Variants in HDX observed in about 807,000 individuals in gnomAD.
HDX encodes the protein highly divergent homeobox, also known as chromosome X open reading frame 43.
HDX carries 19 observed loss-of-function variants against 45.2 expected under a neutral mutation model. That is an observed-to-expected ratio of 0.42 (90% CI 0.29 to 0.62). HDX has a LOEUF of 0.62. HDX is among the 20% of genes least tolerant of loss of function. The pLI is 0.20. For missense variants in HDX, 532 were observed against 493.9 expected (o/e 1.08, Z -0.73); for synonymous variants, 188 against 172.8 (o/e 1.09, Z -0.69).
intron 4 of HDX, among the ~76,000 whole-genome samples, chrX:84,458,690 C>T (rs763005026): frequency 9.0e-6 from 1 of 111,671 alleles, no homozygotes; most frequent in Admixed American, 9.5e-5. Flanking sequence ...TTTCCACCCA[C>T]ACATTATTAA....
At chrX:84,397,723 T>G (rs952466869) in intron 5 of HDX, among the ~76,000 whole-genome samples, 3 of 112,034 alleles carry the variant, frequency 2.7e-5, no homozygotes, top group African/African-American at 9.7e-5. Flanking sequence ...GCTTCTTATT[T>G]GTGGTGAAGG....
At chrX:84,331,893 G>C (rs2036849992) in intron 9 of HDX, among the ~76,000 whole-genome samples, 1 of 111,518 alleles carries the variant, frequency 9.0e-6, no homozygotes, top group Non-Finnish European at 1.9e-5. Flanking sequence ...GTTTGTGTAA[G>C]TACACTCTAT....
chrX:84,394,077 G>A lies in HDX; in HGVS notation c.1306-32465C>T, dbSNP rs1280135274. Among the ~76,000 whole-genome samples the A allele has an allele frequency of 1.1e-4, 12 of 110,146 alleles. No homozygotes were observed. The South Asian group carries it at 1.5e-3, about 14-fold the overall frequency. ...TTTTTTTCTTGCTTTTCCCTGAGAT[G>A]CATGATTGGATTATTTATTTGAAAT... On this transcript the variant is annotated intron_variant, in intron 5 of 10. Coordinates refer to ENST00000373177, the MANE Select transcript of HDX (RefSeq NM_001177479.2).
At chrX:84,367,891 C>T (rs1209550925) in intron 5 of HDX, among the ~76,000 whole-genome samples, 1 of 111,595 alleles carries the variant, frequency 9.0e-6, no homozygotes, top group Non-Finnish European at 1.9e-5. Flanking sequence ...AGGAAAAATA[C>T]CTAATGTAGA....
At chrX:84,327,746 T>A (rs758706180) in intron 9 of HDX, among the ~76,000 whole-genome samples, 19 of 111,782 alleles carry the variant, frequency 1.7e-4, no homozygotes, top group African/African-American at 5.8e-4. Context: ...AAAAGTTTCT[T>A]AAATAGAACA....
intron 5 of HDX, among the ~76,000 whole-genome samples, chrX:84,397,594 G>A (rs1325820756): frequency 9.0e-6 from 1 of 111,384 alleles, no homozygotes. Context: ...CCCAGCTGAG[G>A]AGGCTGCCTT....
intron 5 of HDX, among the ~76,000 whole-genome samples, chrX:84,424,167 T>A (rs2039332665): frequency 9.0e-6 from 1 of 111,335 alleles, no homozygotes; most frequent in Admixed American, 9.6e-5. Flanking sequence ...CATTTCTAAA[T>A]GCCGACAGTA....
At chrX:84,434,725 T>A (rs1474415133) in intron 5 of HDX, among the ~76,000 whole-genome samples, 2 of 111,709 alleles carry the variant, frequency 1.8e-5, no homozygotes, top group Non-Finnish European at 3.8e-5. Flanking sequence ...GATGTTTTGG[T>A]ATAGTTTGAG....
At chrX:84,443,262 C>A (rs971367826) in intron 4 of HDX, among the ~76,000 whole-genome samples, 1 of 110,990 alleles carries the variant, frequency 9.0e-6, no homozygotes, top group Non-Finnish European at 1.9e-5. Context: ...ATTTGGGAAG[C>A]TTTATTTGGT....
At chrX:84,409,437 G>A (rs1366767279) in intron 5 of HDX, among the ~76,000 whole-genome samples, 10 of 110,272 alleles carry the variant, frequency 9.1e-5, no homozygotes, top group East Asian at 5.8e-4. Flanking sequence ...TGTTAATTGC[G>A]GCACTATTCA....
chrX:84,367,883 G>A (rs1411922532), intron 5 of HDX, among the ~76,000 whole-genome samples: 1 of 111,684 alleles, frequency 9.0e-6, no homozygotes. Flanking sequence ...ATAGCATTAG[G>A]AAAAATACCT....
chrX:84,361,353 G>C (rs1354718342), intron 6 of HDX, 113 bp downstream of exon 6: 2 of 583,823 alleles, frequency 3.4e-6, no homozygotes. Context: ...TATCCTGTGG[G>C]TTATCTTTTC....
chrX:84,433,720 A>C (rs2039556025), intron 5 of HDX, among the ~76,000 whole-genome samples: 1 of 111,230 alleles, frequency 9.0e-6, no homozygotes, highest in African/African-American at 3.3e-5. Flanking sequence ...TATTTCCATA[A>C]AACATTTCAT....
At chrX:84,461,878 G>A (rs927512374) in intron 4 of HDX, among the ~76,000 whole-genome samples, 16 of 112,207 alleles carry the variant, frequency 1.4e-4, no homozygotes, top group African/African-American at 2.3e-4. Context: ...GACATTTCTC[G>A]AAAGAAGAAA....
Position 84,360,013 on chromosome X carries a change from T to A in HDX, c.1452+1453A>T, listed in dbSNP as rs1042606162. Among the ~76,000 whole-genome samples the A allele has an allele frequency of 4.5e-5, 5 of 111,526 alleles. 1 individual carries two copies. The highest frequency in any genetic ancestry group is 9.8e-5 in the African/African-American group (3 of 30,670). On this transcript the variant is annotated intron_variant, in intron 6 of 10. Coordinates refer to ENST00000373177, the MANE Select transcript of HDX (RefSeq NM_001177479.2). ...AATAGAAAACTTACAGAAAGAGAAA[T>A]TTTTTACAATATACCCATCTGACTA...
At chrX:84,409,588 C>T (rs1289112162) in intron 5 of HDX, among the ~76,000 whole-genome samples, 3 of 105,669 alleles carry the variant, frequency 2.8e-5, no homozygotes, top group Admixed American at 2.0e-4. Context: ...ATGGATGAAA[C>T]TGGAAACCAT....
At chrX:84,447,651 C>T (rs191471611) in intron 4 of HDX, among the ~76,000 whole-genome samples, 10 of 110,969 alleles carry the variant, frequency 9.0e-5, no homozygotes, top group Admixed American at 4.8e-4. Flanking sequence ...CAGTCCCTAC[C>T]GGATTGCTTC....
intron 5 of HDX, among the ~76,000 whole-genome samples, chrX:84,389,960 T>C (rs1231249087): frequency 9.0e-6 from 1 of 111,126 alleles, no homozygotes; most frequent in East Asian, 2.8e-4. Flanking sequence ...CTTACCCTCT[T>C]TTCAGGCGCT....
Position 84,349,761 on chromosome X carries a change from G to T in HDX, c.1453-5304C>A, listed in dbSNP as rs773551286. On this transcript the variant is annotated intron_variant, in intron 6 of 10. Coordinates refer to ENST00000373177, the MANE Select transcript of HDX (RefSeq NM_001177479.2). ...AAAAAAGAATAAAATCATGTCTTTT[G>T]TAGTAACATAAATGGAACTACAGGC... Among the ~76,000 whole-genome samples, 69 of 107,077 alleles carry T rather than the reference G, an allele frequency of 6.4e-4. No individual in the cohort carries two copies. The East Asian group carries it at 6.8e-3, about 11-fold the overall frequency. The allele number at this position is 107,077 out of a possible 115,157, so 93.0% of individuals were successfully genotyped here.
Sources: allele counts gnomAD v4.1 joint callset (sites outside exome capture counted in the v4.1 genomes callset), GRCh38; gene constraint gnomAD v4.1.1; transcripts MANE v1.5; gene names NCBI Gene and HGNC (gene_info 2026-07-23, HGNC 2026-07-21).